ULBP2: variants seen among roughly 807,000 people sequenced by gnomAD.
ULBP2 encodes the protein UL16 binding protein 2.
In ULBP2, 21 loss-of-function variants were observed where a neutral mutation model predicts 23.6. That is an observed-to-expected ratio of 0.89 (90% CI 0.63 to 1.28). The LOEUF (loss-of-function observed/expected upper bound fraction) is 1.28, where lower values mean the gene tolerates loss of function less well. Ranked by LOEUF, ULBP2 falls within the 50% of genes most tolerant of loss-of-function variation. ULBP2 has a pLI of 0.00. For missense variants in ULBP2, 251 were observed against 306.0 expected (o/e 0.82, Z 1.34); for synonymous variants, 82 against 112.8 (o/e 0.73, Z 1.73).
intron 1 of ULBP2, among the ~76,000 whole-genome samples, chr6:149,943,593 T>A (rs922420795): frequency 1.3e-5 from 2 of 152,170 alleles, no homozygotes; most frequent in African/African-American, 4.8e-5. Flanking sequence ...AACTTCCTAA[T>A]GACCTAGAGG....
intron 3 of ULBP2, among the ~76,000 whole-genome samples, chr6:149,946,985 G>A (rs1051795936): frequency 1.2e-4 from 18 of 151,892 alleles, no homozygotes; most frequent in Admixed American, 1.1e-3. Context: ...TCCTTTCCCT[G>A]GTCTGGTTCT....
rs1466365731 is a variant in ULBP2, at chr6:149,948,834, CATG to C, written c.*139_*141del. 3 of 453,608 alleles carry C rather than the reference CATG, an allele frequency of 6.6e-6. No individual in the cohort carries two copies. The highest frequency in any genetic ancestry group is 6.0e-5 in the African/African-American group (3 of 49,916). 28.1% of individuals were successfully genotyped at this position (453,608 alleles called of 1,614,324 possible). ...GTATGTCCAGTGGCCTCCAGCAGATCATGATGACATCATGGACCCAATAGCTCA... is the reference window on the plus strand; with the variant it reads ...GTATGTCCAGTGGCCTCCAGCAGATCATGACATCATGGACCCAATAGCTCA... On this transcript the variant is annotated 3_prime_UTR_variant, in exon 5 of 5. Transcript: ENST00000367351.
At position 149,942,345 on chromosome 6, in the gene ULBP2, G is replaced by C. The variant is rs992638286; in HGVS notation, c.85+188G>C. On this transcript the variant is annotated intron_variant, in intron 1 of 4. Coordinates refer to ENST00000367351, the MANE Select transcript of ULBP2 (RefSeq NM_025217.4). The stretch of plus-strand genomic sequence containing the variant: ...GTCCCCGAGGCTGCTTCTTGCCCGG[G>C]AAGAGGCGAAAAGGAGCGGGGTGGA... 2.8e-4 allele frequency among the ~76,000 whole-genome samples: 42 copies of C among 152,308 alleles called. 1 individual carries two copies. The highest frequency in any genetic ancestry group is 5.6e-4 in the Non-Finnish European group (38 of 68,028).
At chr6:149,943,503 T>A (rs1287634775) in intron 1 of ULBP2, among the ~76,000 whole-genome samples, 1 of 152,130 alleles carries the variant, frequency 6.6e-6, no homozygotes, top group Non-Finnish European at 1.5e-5. Context: ...GTCCAACTGC[T>A]TGTGCAGCTT....
Position 149,946,487 on chromosome 6 carries a change from G to C in ULBP2, c.465G>C (p.Lys155Asn), listed in dbSNP as rs1376837840. Residue 155 changes from lysine (K) to asparagine (N), a missense_variant, in exon 3 of 5, where the codon AAG (lysine) becomes AAC (asparagine). Transcript: ENST00000367351. ...TCTTCCTCCTCTTTGACTCAGAGAA[G>C]AGAATGTGGACAACGGTTCATCCTG... Reference protein sequence around the residue: ...GQIFLLFDSEKRMWTTVHPGA... With the variant: ...GQIFLLFDSENRMWTTVHPGA... The C allele has an allele frequency of 6.2e-7, 1 of 1,614,178 alleles. No homozygotes were observed. Among genetic ancestry groups the C allele is most frequent in the Non-Finnish European group, 8.5e-7 (1 of 1,180,042 alleles).
At chr6:149,945,914 C>T (rs1368606491) in intron 2 of ULBP2, among the ~76,000 whole-genome samples, 6 of 133,458 alleles carry the variant, frequency 4.5e-5, no homozygotes, top group Admixed American at 1.7e-4. Context: ...GCACTCCAGC[C>T]TGGGCAACAG....
chr6:149,944,587 G>A (rs534555356), intron 1 of ULBP2, among the ~76,000 whole-genome samples: 89 of 128,384 alleles, frequency 6.9e-4, no homozygotes, highest in Non-Finnish European at 1.0e-3. Context: ...TTCTTTATAT[G>A]CTGGGTAAAC....
At chr6:149,946,745 G>C in intron 3 of ULBP2, 92 bp downstream of exon 3, 1 of 1,569,854 alleles carries the variant, frequency 6.4e-7, no homozygotes, top group Non-Finnish European at 8.6e-7. Context: ...AATCATCCCA[G>C]TATACACATT....
chr6:149,943,356 G>A (rs1016211449), intron 1 of ULBP2, among the ~76,000 whole-genome samples: 2 of 152,118 alleles, frequency 1.3e-5, no homozygotes, highest in African/African-American at 4.8e-5. Context: ...ATGGGAGTGG[G>A]GGTCCCATAG....
At chr6:149,946,342 T>C (rs7764321) in intron 2 of ULBP2, 30 bp from the exon 3 acceptor site, 83,332 of 1,595,954 alleles carry the variant, frequency 0.052, 5,041 homozygotes, top group East Asian at 0.33. Flanking sequence ...TTTGTCAAGA[T>C]CAGAGCTGAT....
intron 1 of ULBP2, among the ~76,000 whole-genome samples, chr6:149,943,563 G>C (rs539273211): frequency 0.012 from 1,814 of 151,958 alleles, 17 homozygotes; most frequent in Middle Eastern, 0.024. Context: ...AACCACCTGC[G>C]TCTTCTCACT....
At chr6:149,946,946 G>T (rs1778952578) in intron 3 of ULBP2, among the ~76,000 whole-genome samples, 1 of 152,016 alleles carries the variant, frequency 6.6e-6, no homozygotes, top group Admixed American at 6.6e-5. Flanking sequence ...TTTCCTTAGT[G>T]TTTCCTCTTT....
At chr6:149,943,877 G>A (rs1345820379) in intron 1 of ULBP2, among the ~76,000 whole-genome samples, 4 of 151,914 alleles carry the variant, frequency 2.6e-5, no homozygotes, top group African/African-American at 7.3e-5. Context: ...AGGGTCTTAG[G>A]GGGTCTTGGG....
intron 1 of ULBP2, among the ~76,000 whole-genome samples, chr6:149,943,839 A>G (rs1465369009): frequency 6.6e-6 from 1 of 151,928 alleles, no homozygotes; most frequent in African/African-American, 2.4e-5. Flanking sequence ...TGATTCTCCA[A>G]TTAGACATTG....
chr6:149,942,850 A>G (rs1778883946), intron 1 of ULBP2, among the ~76,000 whole-genome samples: 1 of 152,004 alleles, frequency 6.6e-6, no homozygotes, highest in South Asian at 2.1e-4. Flanking sequence ...TTGCCTGAGG[A>G]CACACCCCAG....
In ULBP2 at chr6:149,948,590, G is replaced by A. The variant is rs114517295; in HGVS notation, c.*23-133G>A. The A allele has an allele frequency of 1.6e-3, 711 of 443,598 alleles. 3 individuals are homozygous for A. Among genetic ancestry groups the A allele is most frequent in the African/African-American group, 0.013 (665 of 49,816 alleles). The allele number at this position is 443,598 out of a possible 1,614,324, so 27.5% of individuals were successfully genotyped here. On this transcript the variant is annotated intron_variant, in intron 4 of 4. Transcript: ENST00000367351. ...GTAGGTCCAAGCTGCAGTCGCCAGG[G>A]TTGAGGCTCAAGGGAAAAATAGGTC... is the stretch of plus-strand genomic sequence containing the variant.
intron 1 of ULBP2, among the ~76,000 whole-genome samples, chr6:149,942,916 T>C (rs1295255991): frequency 6.6e-6 from 1 of 152,044 alleles, no homozygotes; most frequent in Non-Finnish European, 1.5e-5. Flanking sequence ...GAAGCACCAT[T>C]TCCTCCAGGA....
rs1423274247 is a variant in ULBP2 at position 149,948,835 on chromosome 6, A to G, written c.*135A>G. Reference sequence around the variant, plus strand: ...TATGTCCAGTGGCCTCCAGCAGATCATGATGACATCATGGACCCAATAGCT... The same window carrying G: ...TATGTCCAGTGGCCTCCAGCAGATCGTGATGACATCATGGACCCAATAGCT... On this transcript the variant is annotated 3_prime_UTR_variant, in exon 5 of 5. Coordinates refer to ENST00000367351, the MANE Select transcript of ULBP2 (RefSeq NM_025217.4). 4.4e-6 allele frequency: 2 copies of G among 453,992 alleles called. No individual in the cohort carries two copies. The highest frequency in any genetic ancestry group is 2.4e-5 in the Admixed American group (1 of 42,148). The allele number at this position is 453,992 out of a possible 1,614,324, so 28.1% of individuals were successfully genotyped here.
Position 149,946,623 on chromosome 6 carries a change from A to G in ULBP2, c.601A>G (p.Met201Val). Residue 201 changes from methionine to valine, a missense_variant, in exon 3 of 5, where the codon ATG becomes GTG. By Grantham distance (21) the Met-to-Val change is conservative. Around this residue, in one of 2 missense-constraint regions of ULBP2, gnomAD observed 248 missense variants for 258.9 expected, o/e 0.96. Coordinates refer to ENST00000367351, the MANE Select transcript of ULBP2 (RefSeq NM_025217.4). Reference protein sequence around the residue: ...IGWLEDFLMGMDSTLEPSAGA... With the variant: ...IGWLEDFLMGVDSTLEPSAGA... ...ATGGCTTGAGGACTTCTTGATGGGCATGGACAGCACCCTGGAGCCAAGTGC... is the reference window on the plus strand; with the variant it reads ...ATGGCTTGAGGACTTCTTGATGGGCGTGGACAGCACCCTGGAGCCAAGTGC... The G allele has an allele frequency of 6.2e-7, 1 of 1,614,162 alleles. No homozygotes were observed. Among genetic ancestry groups the G allele is most frequent in the East Asian group, 2.2e-5 (1 of 44,878 alleles).
Sources: allele counts gnomAD v4.1 joint callset (sites outside exome capture counted in the v4.1 genomes callset), GRCh38; gene constraint gnomAD v4.1.1; regional missense constraint gnomAD v4.1.1; transcripts MANE v1.5; gene names NCBI Gene and HGNC (gene_info 2026-07-23, HGNC 2026-07-21).